The following UPRT variants were observed in gnomAD, a reference collection of about 807,000 sequenced individuals.
UPRT encodes RP11-311P8.3.
A neutral mutation model predicts 22.6 loss-of-function variants in UPRT; 5 were observed. That is an observed-to-expected ratio of 0.22 (90% CI 0.12 to 0.47). The LOEUF is 0.47. Ranked by LOEUF, UPRT falls within the 20% of genes least tolerant of loss-of-function variation. The probability of loss-of-function intolerance (pLI) is 0.99; values close to 1 mark genes in which losing one functional copy is unlikely to be tolerated. For synonymous variants in UPRT, 77 were observed against 87.7 expected (o/e 0.88, Z 0.68); for missense variants, 181 against 239.9 (o/e 0.75, Z 1.62).
chrX:75,274,214 T>A lies in UPRT; in HGVS notation c.-41T>A. The A allele has an allele frequency of 1.7e-6, 2 of 1,166,311 alleles. No homozygotes were observed. The highest frequency in any genetic ancestry group is 2.3e-6 in the Non-Finnish European group (2 of 871,706). ...CCTTTCTACCCGTTCCTCTTTATCT[T>A]TAGTGTTCAGTAGCAGCGGGGATAG... On this transcript the variant is annotated 5_prime_UTR_variant, in exon 1 of 7. Coordinates refer to ENST00000373383, the MANE Select transcript of UPRT (RefSeq NM_145052.4).
intron 4 of UPRT, among the ~76,000 whole-genome samples, chrX:75,265,694 T>G (rs2082586044): frequency 8.9e-6 from 1 of 112,174 alleles, no homozygotes; most frequent in African/African-American, 3.2e-5. Flanking sequence ...AAAGTCATTC[T>G]CTGTCCAGCT....
At chrX:75,236,121 T>G (rs2082462603) in intron 4 of UPRT, among the ~76,000 whole-genome samples, 1 of 111,530 alleles carries the variant, frequency 9.0e-6, no homozygotes, top group Non-Finnish European at 1.9e-5. Context: ...AAAATCAATG[T>G]ACAAAAATCA....
intron 4 of UPRT, among the ~76,000 whole-genome samples, chrX:75,249,385 CAAA>C (rs759223356): frequency 9.1e-6 from 1 of 109,910 alleles, no homozygotes; most frequent in Non-Finnish European, 1.9e-5. Flanking sequence ...AAATGGAAAA[CAAA>C]AAAAAGTCAG....
chrX:75,186,315 C>T (rs1384208132), intron 4 of UPRT, among the ~76,000 whole-genome samples: 2 of 111,653 alleles, frequency 1.8e-5, no homozygotes, highest in African/African-American at 6.5e-5. Context: ...GTTCAGTTTC[C>T]ATGTAGTTGA....
intron 4 of UPRT, among the ~76,000 whole-genome samples, chrX:75,175,321 TG>T (rs1304207947): frequency 8.9e-6 from 1 of 111,764 alleles, no homozygotes; most frequent in Non-Finnish European, 1.9e-5. Flanking sequence ...AATAATAGTG[TG>T]GGACTTTCAG....
intron 4 of UPRT, among the ~76,000 whole-genome samples, chrX:75,249,346 A>G (rs1415856772): frequency 8.9e-6 from 1 of 111,751 alleles, no homozygotes; most frequent in Non-Finnish European, 1.9e-5. Context: ...TAGGCTCAAA[A>G]TAAAGGGATG....
chrX:75,232,695 G>C (rs900869325), intron 4 of UPRT, among the ~76,000 whole-genome samples: 3 of 111,957 alleles, frequency 2.7e-5, no homozygotes, highest in Admixed American at 1.9e-4. Flanking sequence ...TCACACGGCC[G>C]GGTACTCCAA....
intron 4 of UPRT, among the ~76,000 whole-genome samples, chrX:75,216,237 A>G (rs1198873424): frequency 4.4e-5 from 5 of 112,554 alleles, no homozygotes; most frequent in African/African-American, 1.6e-4. Context: ...AATGTAATAA[A>G]TCAGTAAGCT....
At chrX:75,251,991 G>A (rs1002028500) in intron 4 of UPRT, among the ~76,000 whole-genome samples, 1 of 111,908 alleles carries the variant, frequency 8.9e-6, no homozygotes, top group East Asian at 2.8e-4. Context: ...AATGGTGCTG[G>A]GAAAACTGGC....
At chrX:75,237,222 A>G (rs2082469495) in intron 4 of UPRT, among the ~76,000 whole-genome samples, 1 of 112,398 alleles carries the variant, frequency 8.9e-6, no homozygotes, top group African/African-American at 3.2e-5. Flanking sequence ...TGGCCATCAG[A>G]GAAATGCAAA....
At chrX:75,250,388 G>A (rs1025791579) in intron 4 of UPRT, among the ~76,000 whole-genome samples, 25 of 110,672 alleles carry the variant, frequency 2.3e-4, no homozygotes, top group African/African-American at 7.5e-4. Context: ...TATCACCACC[G>A]ATCCCACAGA....
chrX:75,190,550 G>C (rs933361255), intron 4 of UPRT, among the ~76,000 whole-genome samples: 27 of 111,761 alleles, frequency 2.4e-4, no homozygotes, highest in Admixed American at 8.5e-4. Context: ...GGAAGTTCTC[G>C]TGGAGAATAT....
intron 4 of UPRT, among the ~76,000 whole-genome samples, chrX:75,264,456 T>C (rs2082579947): frequency 2.7e-5 from 3 of 112,058 alleles, no homozygotes; most frequent in Admixed American, 9.5e-5. Flanking sequence ...CTTGTTGAAT[T>C]GATCCCTTTA....
At chrX:75,187,744 A>G (rs964227785) in intron 4 of UPRT, among the ~76,000 whole-genome samples, 2 of 110,365 alleles carry the variant, frequency 1.8e-5, no homozygotes, top group Admixed American at 1.9e-4. Flanking sequence ...TTTTCTCTAA[A>G]CTTCCCTTCT....
intron 4 of UPRT, among the ~76,000 whole-genome samples, chrX:75,170,315 G>A (rs2082223576): frequency 8.9e-6 from 1 of 111,847 alleles, no homozygotes; most frequent in Admixed American, 9.4e-5. Context: ...GGGATTACAG[G>A]TGTGAGCCAC....
intron 4 of UPRT, among the ~76,000 whole-genome samples, chrX:75,297,952 G>T (rs908610946): frequency 9.7e-6 from 1 of 103,354 alleles, no homozygotes; most frequent in African/African-American, 3.5e-5. Context: ...TATTTCTGTT[G>T]TTGGGCTAAA....
At chrX:75,211,482 C>T (rs1396817488) in intron 4 of UPRT, among the ~76,000 whole-genome samples, 1 of 111,248 alleles carries the variant, frequency 9.0e-6, no homozygotes, top group East Asian at 2.8e-4. Flanking sequence ...GAGACTCACC[C>T]ACTAATTGGA....
intron 1 of UPRT, among the ~76,000 whole-genome samples, chrX:75,279,123 G>C (rs1294416549): frequency 9.0e-6 from 1 of 110,780 alleles, no homozygotes; most frequent in Non-Finnish European, 1.9e-5. Flanking sequence ...TGGGAGAATG[G>C]CCAGTCTCCC....
At chrX:75,272,319 T>TATATATATGTATATATATATAC (rs369391024), upstream of UPRT, among the ~76,000 whole-genome samples, 1 of 88,344 alleles carries the variant, frequency 1.1e-5, no homozygotes, top group African/African-American at 4.5e-5. Context: ...TGTGTATATA[T>TATATATATGTATATATATATAC]ACATATATAT....
Sources: gnomAD v4.1 joint callset for allele counts (sites outside exome capture counted in the v4.1 genomes callset) on GRCh38, gnomAD v4.1.1 for gene constraint, MANE v1.5 for transcripts, NCBI Gene and HGNC (gene_info 2026-07-23, HGNC 2026-07-21) for gene names.